TMOD3: variants seen among roughly 807,000 people sequenced by gnomAD.
The protein encoded by TMOD3 is tropomodulin 3.
Under a neutral mutation model 39.2 loss-of-function variants are expected in TMOD3, and 20 were observed. That is an observed-to-expected ratio of 0.51 (90% CI 0.36 to 0.74). The LOEUF (loss-of-function observed/expected upper bound fraction) is 0.74, where lower values mean the gene tolerates loss of function less well. TMOD3 is among the 30% of genes least tolerant of loss of function. TMOD3 has a pLI of 0.00. For missense variants in TMOD3, 381 were observed against 412.8 expected, an observed-to-expected ratio of 0.92 and a Z score of 0.67; for synonymous variants, 143 against 145.8, an observed-to-expected ratio of 0.98 and a Z score of 0.14.
chr15:51,830,474 C>T (rs1422820129), intron 1 of TMOD3, among the ~76,000 whole-genome samples: 1 of 152,150 alleles, frequency 6.6e-6, no homozygotes, highest in Non-Finnish European at 1.5e-5. Context: ...CCTCCGCAAG[C>T]CTGCATTCTG....
chr15:51,839,265 G>C (rs2056302133), intron 1 of TMOD3, among the ~76,000 whole-genome samples: 1 of 150,670 alleles, frequency 6.6e-6, no homozygotes, highest in Non-Finnish European at 1.5e-5. Flanking sequence ...CGCCTCCCAG[G>C]CTCAAGCAAT....
chr15:51,879,284 T>G (rs1867984), intron 3 of TMOD3, among the ~76,000 whole-genome samples: 72,144 of 151,808 alleles, frequency 0.48, 17,364 homozygotes, highest in Admixed American at 0.54. Flanking sequence ...GCAACCAAGG[T>G]TCAGCCTTAT....
At chr15:51,876,938 C>T (rs534815958) in intron 3 of TMOD3, among the ~76,000 whole-genome samples, 1 of 152,168 alleles carries the variant, frequency 6.6e-6, no homozygotes, top group Non-Finnish European at 1.5e-5. Context: ...TGGTGTGTGC[C>T]TGTAGTTCCA....
At chr15:51,873,447 G>T (rs866381983) in intron 3 of TMOD3, among the ~76,000 whole-genome samples, 2 of 152,330 alleles carry the variant, frequency 1.3e-5, no homozygotes, top group South Asian at 2.1e-4. Flanking sequence ...CCTCTATTGA[G>T]AAACAAAGGC....
At chr15:51,878,376 ATGTGTGTG>A (rs10586896) in intron 3 of TMOD3, among the ~76,000 whole-genome samples, 52 of 147,428 alleles carry the variant, frequency 3.5e-4, no homozygotes, top group South Asian at 6.5e-4. Context: ...TTTAAAATAT[ATGTGTGTG>A]TGTGTGTGTG....
intron 1 of TMOD3, among the ~76,000 whole-genome samples, chr15:51,843,049 T>C (rs1032618529): frequency 4.6e-5 from 7 of 152,196 alleles, no homozygotes; most frequent in Non-Finnish European, 7.3e-5. Flanking sequence ...TGGGGCACCG[T>C]ACTCATGACT....
chr15:51,846,345 A>AAAC (rs2056336003), intron 1 of TMOD3, among the ~76,000 whole-genome samples: 2 of 152,028 alleles, frequency 1.3e-5, no homozygotes, highest in African/African-American at 4.8e-5. Flanking sequence ...AAACAAAACA[A>AAAC]AAAACAAATC....
At chr15:51,907,803 T>G (rs980003015) in intron 9 of TMOD3, among the ~76,000 whole-genome samples, 4 of 152,214 alleles carry the variant, frequency 2.6e-5, no homozygotes, top group Non-Finnish European at 5.9e-5. Context: ...GAAGACCTTG[T>G]TCTGCTACTA....
intron 1 of TMOD3, among the ~76,000 whole-genome samples, chr15:51,847,256 ATC>A (rs780314642): frequency 2.1e-4 from 32 of 152,146 alleles, no homozygotes; most frequent in Non-Finnish European, 3.5e-4. Flanking sequence ...TTCTAATTAC[ATC>A]TCTTCTTTAT....
intron 3 of TMOD3, among the ~76,000 whole-genome samples, chr15:51,871,712 G>A (rs16964585): frequency 0.032 from 4,880 of 152,236 alleles, 118 homozygotes; most frequent in Non-Finnish European, 0.05. Flanking sequence ...AGGGGGAAAA[G>A]GATAGAGGTG....
chr15:51,900,888 G>A (rs1230391350), intron 8 of TMOD3: 2 of 151,968 alleles, frequency 1.3e-5, no homozygotes, highest in Admixed American at 1.3e-4. Context: ...TTTTCTTAAA[G>A]TATACAGCTA....
chr15:51,873,176 G>A lies in TMOD3; in HGVS notation c.283+3803G>A, dbSNP rs1243756833. 3.3e-5 allele frequency among the ~76,000 whole-genome samples: 5 copies of A among 152,136 alleles called. No individual in the cohort carries two copies. The East Asian group carries it at 9.6e-4, about 29-fold the overall frequency. On this transcript the variant is annotated intron_variant, in intron 3 of 9. Coordinates refer to ENST00000308580, the MANE Select transcript of TMOD3 (RefSeq NM_014547.5). Reference sequence around the variant, plus strand: ...ATCTCATCTCCAGGATCCTGATCACGTTCCAGAAGGTCCTCAGAGTAATTC... The same window carrying A: ...ATCTCATCTCCAGGATCCTGATCACATTCCAGAAGGTCCTCAGAGTAATTC...
At chr15:51,863,276 C>T (rs909239925) in intron 2 of TMOD3, among the ~76,000 whole-genome samples, 1 of 152,198 alleles carries the variant, frequency 6.6e-6, no homozygotes, top group African/African-American at 2.4e-5. Context: ...TTTTTCTCCT[C>T]TGTGCAGGAA....
At chr15:51,861,491 T>C (rs2056418571) in intron 1 of TMOD3, among the ~76,000 whole-genome samples, 1 of 152,102 alleles carries the variant, frequency 6.6e-6, no homozygotes. Context: ...CCTTAAAATG[T>C]TACTGGTTTG....
chr15:51,898,810 TTTCCTTCCCCTCC>T (rs1254067556), intron 7 of TMOD3, among the ~76,000 whole-genome samples: 1 of 152,136 alleles, frequency 6.6e-6, no homozygotes, highest in Non-Finnish European at 1.5e-5. Flanking sequence ...TTTCTCTCTC[TTTCCTTCCCCTCC>T]TTCCTTCCCT....
Position 51,887,700 on chromosome 15 carries a change from G to C in TMOD3, c.395G>C (p.Cys132Ser). 1 of 1,613,386 alleles carries C rather than the reference G, an allele frequency of 6.2e-7. No individual in the cohort carries two copies. ...ALTSASDTEL[C>S]DLAAILGMHN... ...ACAAGTGCTTCTGATACAGAATTGTGTGACCTCGCAGGTATCACCTAAAAC... is the reference window on the plus strand; with the variant it reads ...ACAAGTGCTTCTGATACAGAATTGTCTGACCTCGCAGGTATCACCTAAAAC... Residue 132 changes from cysteine (C) to serine (S), a missense_variant, in exon 4 of 10, where the codon TGT becomes TCT. Physicochemically the swap from Cys to Ser is moderately radical, Grantham distance 112. Transcript: ENST00000308580.
intron 1 of TMOD3, among the ~76,000 whole-genome samples, chr15:51,832,204 TA>T (rs1595887454): frequency 9.7e-5 from 4 of 41,344 alleles, no homozygotes; most frequent in South Asian, 7.7e-4. Flanking sequence ...GAAAAAAAAT[TA>T]TATATATATA....
At chr15:51,869,427 A>G (rs1238442857) in intron 3 of TMOD3, 54 bp downstream of exon 3, 5 of 1,554,336 alleles carry the variant, frequency 3.2e-6, no homozygotes, top group East Asian at 2.3e-5. Flanking sequence ...TTTTCTTTTT[A>G]TAGGTGGGTG....
chr15:51,886,291 G>A (rs2056562847), intron 3 of TMOD3, among the ~76,000 whole-genome samples: 1 of 152,202 alleles, frequency 6.6e-6, no homozygotes, highest in South Asian at 2.1e-4. Context: ...CTGCAATCTG[G>A]GCACTTTGGG....
Sources: gnomAD v4.1 joint callset for allele counts (sites outside exome capture counted in the v4.1 genomes callset) on GRCh38, gnomAD v4.1.1 for gene constraint, MANE v1.5 for transcripts, NCBI Gene and HGNC (gene_info 2026-07-23, HGNC 2026-07-21) for gene names.